The following RBM20 variants were observed in gnomAD, a reference collection of about 807,000 sequenced individuals.
RBM20 encodes RNA-binding protein 20.
In RBM20, 51 loss-of-function variants were observed where a neutral mutation model predicts 110.1. The ratio of observed to expected loss-of-function variants is 0.46; its 90% confidence interval spans 0.37 to 0.59. The LOEUF (loss-of-function observed/expected upper bound fraction) is 0.59. Among genes scored for constraint, RBM20 ranks in the 20% least tolerant of loss-of-function variants. The pLI is 0.00. For synonymous variants in RBM20, 589 were observed against 618.2 expected (o/e 0.95, Z 0.70); for missense variants, 1,512 against 1,574.9 (o/e 0.96, Z 0.68).
chr10:110,740,097 A>G (rs1843710092), intron 1 of RBM20, among the ~76,000 whole-genome samples: 1 of 152,260 alleles, frequency 6.6e-6, no homozygotes, highest in Non-Finnish European at 1.5e-5. Context: ...GTTCATTGTC[A>G]AGGCCAGGGC....
At chr10:110,718,041 G>A (rs1419818091) in intron 1 of RBM20, among the ~76,000 whole-genome samples, 1 of 152,218 alleles carries the variant, frequency 6.6e-6, no homozygotes, top group Admixed American at 6.5e-5. Flanking sequence ...TGAGAATGAA[G>A]AAAAACAGAC....
chr10:110,812,130 A>T, intron 8 of RBM20, 148 bp from the exon 9 acceptor site: 1 of 755,502 alleles, frequency 1.3e-6, no homozygotes, highest in Non-Finnish European at 2.1e-6. Context: ...CTCCTGAACC[A>T]CTCTGTGTGG....
Position 110,821,313 on chromosome 10 carries a change from G to C in RBM20, c.2694G>C (p.Glu898Asp), listed in dbSNP as rs1002843156. The C allele has an allele frequency of 3.9e-6, 6 of 1,551,590 alleles. No homozygotes were observed. The highest frequency in any genetic ancestry group is 5.2e-6 in the Non-Finnish European group (6 of 1,146,936). ...AGAGTGAAAGTGAGGCAGAGGGGGAGAGCTGGTATCCCACTAACATGGAGG... is the reference window on the plus strand; with the variant it reads ...AGAGTGAAAGTGAGGCAGAGGGGGACAGCTGGTATCCCACTAACATGGAGG... Reference protein sequence around the residue: ...DWESESEAEGESWYPTNMEEL... With the variant: ...DWESESEAEGDSWYPTNMEEL... Residue 898 changes from glutamate (E) to aspartate (D), a missense_variant, in exon 11 of 14, where the codon GAG becomes GAC. Around this residue, in one of 3 missense-constraint regions of RBM20, gnomAD observed 1,149 missense variants for 1,169.4 expected, o/e 0.98. Coordinates refer to ENST00000369519, the MANE Select transcript of RBM20 (RefSeq NM_001134363.3).
At chr10:110,705,627 T>C (rs1252547036) in intron 1 of RBM20, among the ~76,000 whole-genome samples, 1 of 152,248 alleles carries the variant, frequency 6.6e-6, no homozygotes, top group Non-Finnish European at 1.5e-5. Flanking sequence ...ATAAATTTCA[T>C]GTAAATACCA....
At chr10:110,685,324 C>G (rs1862487219) in intron 1 of RBM20, among the ~76,000 whole-genome samples, 2 of 152,196 alleles carry the variant, frequency 1.3e-5, no homozygotes, top group African/African-American at 4.8e-5. Context: ...CTGTGCCCTT[C>G]TGAGTGGTGG....
chr10:110,662,583 C>T (rs1299976291), intron 1 of RBM20, among the ~76,000 whole-genome samples: 2 of 152,196 alleles, frequency 1.3e-5, no homozygotes, highest in Non-Finnish European at 2.9e-5. Flanking sequence ...TGAAATGATA[C>T]AACCTTTATG....
chr10:110,729,800 T>G (rs1843601463), intron 1 of RBM20, among the ~76,000 whole-genome samples: 1 of 152,168 alleles, frequency 6.6e-6, no homozygotes, highest in Non-Finnish European at 1.5e-5. Context: ...TCAGGAACAT[T>G]AATGTCATTT....
At chr10:110,768,226 G>GGGGAGAGGGAGAGGGAGGGAAAGGGAGA (rs1253973708) in intron 1 of RBM20, among the ~76,000 whole-genome samples, 1 of 148,356 alleles carries the variant, frequency 6.7e-6, no homozygotes, top group Admixed American at 6.8e-5. Flanking sequence ...CGTGGAAAGA[G>GGGGAGAGGGAGAGGGAGGGAAAGGGAGA]GGGAGAGGGA....
At chr10:110,677,428 C>T (rs1306225784) in intron 1 of RBM20, among the ~76,000 whole-genome samples, 1 of 152,060 alleles carries the variant, frequency 6.6e-6, no homozygotes, top group African/African-American at 2.4e-5. Context: ...ACGCCATTCT[C>T]CTGCCGCAGC....
intron 1 of RBM20, among the ~76,000 whole-genome samples, chr10:110,766,746 C>T (rs2135012926): frequency 6.6e-6 from 1 of 151,646 alleles, no homozygotes; most frequent in South Asian, 2.1e-4. Context: ...GACACGGCAA[C>T]CATCCGATTT....
At chr10:110,820,030 G>A in intron 9 of RBM20, 42 bp from the exon 10 acceptor site, 1 of 1,297,306 alleles carries the variant, frequency 7.7e-7, no homozygotes, top group Non-Finnish European at 1.1e-6. Context: ...CCCTGTCACT[G>A]CTCACTGTTG....
At chr10:110,786,183 C>T (rs1485503721) in intron 5 of RBM20, among the ~76,000 whole-genome samples, 1 of 152,226 alleles carries the variant, frequency 6.6e-6, no homozygotes, top group Non-Finnish European at 1.5e-5. Context: ...GGGAGGAAAA[C>T]TGACTGTAAA....
intron 1 of RBM20, among the ~76,000 whole-genome samples, chr10:110,713,403 T>A (rs1393960718): frequency 6.6e-6 from 1 of 152,186 alleles, no homozygotes; most frequent in Non-Finnish European, 1.5e-5. Context: ...TTGAGTGATA[T>A]CCTGAGTCCT....
At chr10:110,790,457 T>C (rs759619307) in intron 5 of RBM20, among the ~76,000 whole-genome samples, 51 of 152,232 alleles carry the variant, frequency 3.4e-4, no homozygotes, top group African/African-American at 1.0e-3. Flanking sequence ...CTTTTTCTTG[T>C]TGGAAAAGCA....
intron 9 of RBM20, among the ~76,000 whole-genome samples, chr10:110,818,309 C>CAAAAAAAAAAAAA (rs1466741507): frequency 8.3e-6 from 1 of 119,784 alleles, no homozygotes; most frequent in Non-Finnish European, 1.7e-5. Flanking sequence ...AAAAAAAAAC[C>CAAAAAAAAAAAAA]AAAACGACAA....
intron 1 of RBM20, among the ~76,000 whole-genome samples, chr10:110,708,691 A>G (rs1862877855): frequency 6.6e-6 from 1 of 152,250 alleles, no homozygotes; most frequent in Admixed American, 6.5e-5. Context: ...TCAAGTTTTT[A>G]CAACAAGGCG....
At chr10:110,715,451 G>A (rs774063011) in intron 1 of RBM20, among the ~76,000 whole-genome samples, 68 of 152,282 alleles carry the variant, frequency 4.5e-4, no homozygotes, top group Non-Finnish European at 7.8e-4. Flanking sequence ...ACTGTAGATG[G>A]CTCAGGCCAT....
At position 110,711,191 on chromosome 10, in the gene RBM20, G is replaced by C. The variant is rs781008718; in HGVS notation, c.191+66546G>C. On this transcript the variant is annotated intron_variant, in intron 1 of 13. Coordinates refer to ENST00000369519, the MANE Select transcript of RBM20 (RefSeq NM_001134363.3). ...CTAAAAATACAAAAATTAGCTGGGC[G>C]TGGTGGTGGGCACCTGTAATCCCAG... 1.1e-3 allele frequency among the ~76,000 whole-genome samples: 166 copies of C among 151,230 alleles called. 1 individual carries two copies. Among genetic ancestry groups the C allele is most frequent in the Admixed American group, 4.4e-3 (67 of 15,150 alleles).
Position 110,820,065 on chromosome 10 carries a change from T to G in RBM20, c.2551-7T>G. The G allele has an allele frequency of 6.5e-7, 1 of 1,540,900 alleles. No individual in the cohort carries two copies. Among genetic ancestry groups the G allele is most frequent in the African/African-American group, 1.4e-5 (1 of 72,792 alleles). On this transcript the variant is annotated splice_region_variant and splice_polypyrimidine_tract_variant and intron_variant, in intron 9 of 13. Transcript: ENST00000369519. The stretch of plus-strand genomic sequence containing the variant: ...GATTTGGTTTGCTCTGTTCTTCCTT[T>G]GATAAGGCTGGAAAAGAGGAACAGG...
Sources: allele counts gnomAD v4.1 joint callset (sites outside exome capture counted in the v4.1 genomes callset), GRCh38; gene constraint gnomAD v4.1.1; regional missense constraint gnomAD v4.1.1; transcripts MANE v1.5; gene names NCBI Gene and HGNC (gene_info 2026-07-23, HGNC 2026-07-21).